MSN: variants seen among roughly 807,000 people sequenced by gnomAD.
MSN encodes the protein epididymis luminal protein 70.
A neutral mutation model predicts 48.0 loss-of-function variants in MSN; 2 were observed. That is an observed-to-expected ratio of 0.04 (90% CI 0.02 to 0.13). MSN has a LOEUF of 0.13. Ranked by LOEUF, MSN falls within the 10% of genes least tolerant of loss-of-function variation. The probability of loss-of-function intolerance (pLI) is 1.00; values close to 1 mark genes in which losing one functional copy is unlikely to be tolerated. For missense variants in MSN, 267 were observed against 470.1 expected, an observed-to-expected ratio of 0.57 and a Z score of 3.99; for synonymous variants, 146 against 166.9, an observed-to-expected ratio of 0.87 and a Z score of 0.97.
intron 2 of MSN, among the ~76,000 whole-genome samples, chrX:65,719,631 G>C (rs1451090488): frequency 6.3e-5 from 7 of 111,651 alleles, no homozygotes; most frequent in Admixed American, 9.5e-5. Context: ...CTGGGTAGCA[G>C]CTATTAGAGA....
chrX:65,620,211 C>G, intron 1 of MSN, among the ~76,000 whole-genome samples: 1 of 112,757 alleles, frequency 8.9e-6, no homozygotes, highest in Non-Finnish European at 1.9e-5. Context: ...GCAGGCTGGC[C>G]TCCTTGATCT....
At chrX:65,653,836 C>T (rs1022802059) in intron 1 of MSN, among the ~76,000 whole-genome samples, 13 of 110,717 alleles carry the variant, frequency 1.2e-4, no homozygotes, top group South Asian at 3.8e-4. Flanking sequence ...TGTAGTGGCG[C>T]GACCTCGGCT....
intron 1 of MSN, among the ~76,000 whole-genome samples, chrX:65,670,905 T>C (rs2070929332): frequency 3.5e-4 from 2 of 5,641 alleles, no homozygotes; most frequent in Middle Eastern, 0.038. Context: ...GTTATATATA[T>C]ATATATATAT....
chrX:65,595,300 C>A (rs1265019635), intron 1 of MSN, among the ~76,000 whole-genome samples: 1 of 112,197 alleles, frequency 8.9e-6, no homozygotes, highest in Non-Finnish European at 1.9e-5. Context: ...AGCACAGTCA[C>A]CCTCCACCCC....
rs147886235 is a variant in MSN at position 65,643,043 on chromosome X, T to C, written c.-22+54431T>C. Among the ~76,000 whole-genome samples the C allele has an allele frequency of 6.3e-3, 701 of 110,788 alleles. 6 individuals carry two copies. The highest frequency in any genetic ancestry group is 0.022 in the African/African-American group (664 of 30,477). ...GTGGAAACTGCAGGTCTTCTAGCCC[T>C]TAGATTAGAATTCCTCCCTCCTCTT... is the stretch of plus-strand genomic sequence containing the variant. On this transcript the variant is annotated intron_variant, in intron 1 of 3. Coordinates refer to the MSN transcript ENST00000609672.
intron 2 of MSN, among the ~76,000 whole-genome samples, chrX:65,718,258 A>G (rs900026404): frequency 6.3e-5 from 7 of 110,261 alleles, no homozygotes; most frequent in African/African-American, 1.3e-4. Context: ...CTGGGTTGGT[A>G]TCTTCATCCC....
intron 1 of MSN, among the ~76,000 whole-genome samples, chrX:65,599,677 C>G (rs2070217751): frequency 9.0e-6 from 1 of 111,714 alleles, no homozygotes; most frequent in Non-Finnish European, 1.9e-5. Flanking sequence ...AGGTGCAGAA[C>G]TGGGTGGTTC....
At chrX:65,618,669 A>T (rs1181202247) in intron 1 of MSN, among the ~76,000 whole-genome samples, 3 of 110,770 alleles carry the variant, frequency 2.7e-5, no homozygotes, top group Non-Finnish European at 3.8e-5. Flanking sequence ...CCAATTTGCC[A>T]GTCTGTGTCT....
At chrX:65,726,634 T>C (rs1419444319) in intron 2 of MSN, among the ~76,000 whole-genome samples, 4 of 110,823 alleles carry the variant, frequency 3.6e-5, no homozygotes, top group Non-Finnish European at 7.6e-5. Context: ...TGCATGTGTG[T>C]GTGTGTATTT....
At chrX:65,634,703 T>C (rs2070585686) in intron 1 of MSN, among the ~76,000 whole-genome samples, 2 of 113,035 alleles carry the variant, frequency 1.8e-5, no homozygotes, top group South Asian at 7.1e-4. Flanking sequence ...TGATGACTAA[T>C]ATAAAATGTT....
At chrX:65,666,006 G>A (rs1016664701), upstream of MSN, among the ~76,000 whole-genome samples, 5 of 111,207 alleles carry the variant, frequency 4.5e-5, no homozygotes, top group African/African-American at 1.6e-4. Context: ...CTAAAACTCG[G>A]ACTTATTTTA....
chrX:65,657,872 C>A (rs2070793222), intron 1 of MSN, among the ~76,000 whole-genome samples: 1 of 111,791 alleles, frequency 8.9e-6, no homozygotes, highest in African/African-American at 3.3e-5. Flanking sequence ...ACTACCTGGG[C>A]CCAGATCCCT....
intron 1 of MSN, among the ~76,000 whole-genome samples, chrX:65,658,091 C>CT (rs994820041): frequency 8.9e-6 from 1 of 111,850 alleles, no homozygotes. Flanking sequence ...CAGATGCTAG[C>CT]TTTTTTTCCT....
intron 1 of MSN, among the ~76,000 whole-genome samples, chrX:65,675,980 T>C (rs2070994901): frequency 8.9e-6 from 1 of 112,773 alleles, no homozygotes; most frequent in African/African-American, 3.2e-5. Context: ...GTTGCCTAAG[T>C]AGGTATGTGA....
chrX:65,686,344 G>T (rs1447799715), intron 1 of MSN, among the ~76,000 whole-genome samples: 1 of 112,348 alleles, frequency 8.9e-6, no homozygotes, highest in Non-Finnish European at 1.9e-5. Flanking sequence ...GTGGGGCAGA[G>T]TTCTGCTTGC....
At chrX:65,627,315 T>TATGTATTAATACATATGTATTAGTGCA (rs2070515442) in intron 1 of MSN, among the ~76,000 whole-genome samples, 1 of 110,806 alleles carries the variant, frequency 9.0e-6, no homozygotes, top group African/African-American at 3.3e-5. Context: ...TATTAGTCCA[T>TATGTATTAATACATATGTATTAGTGCA]TTTCATGCTG....
At chrX:65,595,683 T>C (rs1486130174) in intron 1 of MSN, among the ~76,000 whole-genome samples, 2 of 112,442 alleles carry the variant, frequency 1.8e-5, no homozygotes, top group Non-Finnish European at 1.9e-5. Context: ...CTCCCTTTGT[T>C]CACTTCCTTT....
chrX:65,653,704 G>A (rs908270907), intron 1 of MSN, among the ~76,000 whole-genome samples: 14 of 109,800 alleles, frequency 1.3e-4, no homozygotes, highest in African/African-American at 4.6e-4. Flanking sequence ...ACATCTGGGG[G>A]CCCAGGAAGA....
chrX:65,611,551 T>C (rs1209335447), intron 1 of MSN, among the ~76,000 whole-genome samples: 2 of 111,951 alleles, frequency 1.8e-5, no homozygotes, highest in African/African-American at 6.5e-5. Flanking sequence ...TTTCCTTCCC[T>C]TGTAAGGCTG....
Sources: gnomAD v4.1 joint callset for allele counts (sites outside exome capture counted in the v4.1 genomes callset) on GRCh38, gnomAD v4.1.1 for gene constraint, MANE v1.5 for transcripts, NCBI Gene and HGNC (gene_info 2026-07-23, HGNC 2026-07-21) for gene names.